CDH9: variants seen among roughly 807,000 people sequenced by gnomAD.
The protein encoded by CDH9 is cadherin 9.
CDH9 carries 28 observed loss-of-function variants against 70.9 expected under a neutral mutation model. The observed-to-expected ratio is 0.40, with a 90% CI of 0.29 to 0.54. The LOEUF is 0.54. Ranked by LOEUF, CDH9 falls within the 20% of genes least tolerant of loss-of-function variation. The pLI is 0.59. For missense variants in CDH9, 874 were observed against 984.4 expected, an observed-to-expected ratio of 0.89 and a Z score of 1.50; for synonymous variants, 409 against 343.1, an observed-to-expected ratio of 1.19 and a Z score of -2.12.
intron 5 of CDH9, among the ~76,000 whole-genome samples, 172 bp downstream of exon 5, chr5:26,905,787 C>G (rs1740934619): frequency 6.8e-6 from 1 of 147,236 alleles, no homozygotes; most frequent in African/African-American, 2.5e-5. Flanking sequence ...TAATCACCAT[C>G]ACTCTCTATT....
intron 1 of CDH9, among the ~76,000 whole-genome samples, chr5:27,013,198 A>C: frequency 6.6e-6 from 1 of 152,054 alleles, no homozygotes; most frequent in Admixed American, 6.6e-5. Flanking sequence ...CCCAGTCAAA[A>C]ACTGGCACCT....
At chr5:26,931,532 T>A (rs1290501447) in intron 2 of CDH9, among the ~76,000 whole-genome samples, 1 of 152,154 alleles carries the variant, frequency 6.6e-6, no homozygotes, top group East Asian at 1.9e-4. Context: ...ACAAAAATCA[T>A]GCATTAGAAG....
intron 1 of CDH9, among the ~76,000 whole-genome samples, chr5:27,018,145 T>TA (rs1743077928): frequency 6.6e-6 from 1 of 151,892 alleles, no homozygotes; most frequent in African/African-American, 2.4e-5. Context: ...TTGGATTGAC[T>TA]TCTATATTAC....
At chr5:26,968,717 G>T (rs1030867232) in intron 2 of CDH9, among the ~76,000 whole-genome samples, 4 of 150,268 alleles carry the variant, frequency 2.7e-5, no homozygotes, top group Admixed American at 2.6e-4. Context: ...TATGGTTGGG[G>T]GGCAAATCTT....
intron 11 of CDH9, among the ~76,000 whole-genome samples, chr5:26,885,002 C>G (rs1030088323): frequency 6.6e-6 from 1 of 152,042 alleles, no homozygotes; most frequent in African/African-American, 2.4e-5. Flanking sequence ...TTTGTTATGT[C>G]ACACCAATGC....
At chr5:26,895,636 G>A (rs1334981013) in intron 7 of CDH9, among the ~76,000 whole-genome samples, 1 of 151,932 alleles carries the variant, frequency 6.6e-6, no homozygotes, top group Non-Finnish European at 1.5e-5. Flanking sequence ...CTATAACTTT[G>A]GAGATTCGTG....
At chr5:27,036,727 AT>A (rs904299237) in intron 1 of CDH9, among the ~76,000 whole-genome samples, 2 of 150,642 alleles carry the variant, frequency 1.3e-5, no homozygotes, top group African/African-American at 2.4e-5. Flanking sequence ...CTTATCTTAC[AT>A]TTTTTTTCAT....
intron 7 of CDH9, among the ~76,000 whole-genome samples, chr5:26,902,089 C>A (rs1416227032): frequency 1.3e-5 from 2 of 151,786 alleles, no homozygotes; most frequent in Non-Finnish European, 2.9e-5. Flanking sequence ...ACTACGGCAA[C>A]AATAAAGGTA....
chr5:27,010,736 C>T (rs1021178028), intron 1 of CDH9, among the ~76,000 whole-genome samples: 1 of 152,138 alleles, frequency 6.6e-6, no homozygotes, highest in Non-Finnish European at 1.5e-5. Flanking sequence ...TAAGCCAATG[C>T]TGCAAATTTC....
intron 2 of CDH9, among the ~76,000 whole-genome samples, chr5:26,957,997 C>T (rs991638909): frequency 6.6e-6 from 1 of 152,084 alleles, no homozygotes; most frequent in African/African-American, 2.4e-5. Context: ...CAGTAAATTC[C>T]TTCATAATAA....
At chr5:26,982,698 GTT>G (rs913470150) in intron 2 of CDH9, among the ~76,000 whole-genome samples, 2 of 151,208 alleles carry the variant, frequency 1.3e-5, no homozygotes, top group African/African-American at 4.9e-5. Flanking sequence ...TTGTTTTTTT[GTT>G]TTTTTTGAGA....
At chr5:26,898,777 T>C (rs936014043) in intron 7 of CDH9, among the ~76,000 whole-genome samples, 2 of 152,048 alleles carry the variant, frequency 1.3e-5, no homozygotes, top group African/African-American at 4.8e-5. Flanking sequence ...ACTTCATGAC[T>C]AAAACACCAA....
At chr5:27,010,641 A>G (rs896799413) in intron 1 of CDH9, among the ~76,000 whole-genome samples, 2 of 151,964 alleles carry the variant, frequency 1.3e-5, no homozygotes, top group African/African-American at 4.8e-5. Flanking sequence ...TGACAGTTTT[A>G]CCAAATGTTA....
Position 26,885,856 on chromosome 5 carries a change from G to A in CDH9, c.1640C>T (p.Ala547Val). 1 of 1,613,696 alleles carries A rather than the reference G, an allele frequency of 6.2e-7. No homozygotes were observed. Among genetic ancestry groups the A allele is most frequent in the Non-Finnish European group, 8.5e-7 (1 of 1,179,790 alleles). Residue 547 changes from alanine (A) to valine (V), a missense_variant, in exon 11 of 12, where the codon GCA becomes GTA. Transcript: ENST00000231021. ...GCCATCTTTCCGAGTCATGATTCCT[G>A]CTGTATTATCTGGGGGAGAAAACAT... ...FTIVDNKDNT[A>V]GIMTRKDGYS...
intron 1 of CDH9, among the ~76,000 whole-genome samples, chr5:27,014,302 T>C (rs943868833): frequency 2.6e-5 from 4 of 151,984 alleles, no homozygotes; most frequent in African/African-American, 9.7e-5. Context: ...CTAATATTTC[T>C]ATATTAACCC....
chr5:26,928,280 T>TA (rs1219493589), intron 2 of CDH9, among the ~76,000 whole-genome samples: 1 of 152,012 alleles, frequency 6.6e-6, no homozygotes, highest in African/African-American at 2.4e-5. Context: ...CATAAGAGTT[T>TA]ACCTCACGAA....
At chr5:26,996,117 C>T (rs1742661623) in intron 1 of CDH9, among the ~76,000 whole-genome samples, 1 of 151,944 alleles carries the variant, frequency 6.6e-6, no homozygotes, top group Admixed American at 6.6e-5. Context: ...TATACACTTA[C>T]AGAAGTTTTA....
At chr5:26,961,581 T>G (rs1183460784) in intron 2 of CDH9, among the ~76,000 whole-genome samples, 2 of 152,158 alleles carry the variant, frequency 1.3e-5, no homozygotes, top group Non-Finnish European at 2.9e-5. Context: ...GATACCTATA[T>G]TCTATCACTT....
rs374758634 is a variant in CDH9, at chr5:26,979,800, T to A, written c.228+8306A>T. On this transcript the variant is annotated intron_variant, in intron 2 of 11. Transcript: ENST00000231021. ...TAAGTGGTATTATCACAGGTAAAGG[T>A]TGGTATTCATAATGATGAAATATTT... 5.3e-5 allele frequency among the ~76,000 whole-genome samples: 8 copies of A among 151,940 alleles called. No homozygotes were observed. The East Asian group carries it at 1.2e-3, about 22-fold the overall frequency.
Sources: gnomAD v4.1 joint callset for allele counts (sites outside exome capture counted in the v4.1 genomes callset) on GRCh38, gnomAD v4.1.1 for gene constraint, MANE v1.5 for transcripts, NCBI Gene and HGNC (gene_info 2026-07-23, HGNC 2026-07-21) for gene names.